SH3PXD2A: variants seen among roughly 807,000 people sequenced by gnomAD.
SH3PXD2A encodes SH3 and PX domain-containing protein 2A.
A neutral mutation model predicts 115.2 loss-of-function variants in SH3PXD2A; 32 were observed. That is an observed-to-expected ratio of 0.28 (90% CI 0.21 to 0.37). The LOEUF (loss-of-function observed/expected upper bound fraction) is 0.37, where lower values mean the gene tolerates loss of function less well. Among genes scored for constraint, SH3PXD2A ranks in the 10% least tolerant of loss-of-function variants. The pLI is 1.00. For missense variants in SH3PXD2A, 1,328 were observed against 1,498.7 expected, an observed-to-expected ratio of 0.89 and a Z score of 1.88; for synonymous variants, 610 against 629.1, an observed-to-expected ratio of 0.97 and a Z score of 0.45.
chr10:103,780,332 A>C (rs1173605150), intron 2 of SH3PXD2A, among the ~76,000 whole-genome samples: 1 of 152,102 alleles, frequency 6.6e-6, no homozygotes, highest in Non-Finnish European at 1.5e-5. Context: ...TTTTTTCTCT[A>C]TTCCAAATGG....
chr10:103,735,886 C>T (rs1334498057), intron 3 of SH3PXD2A, 78 bp from the exon 4 acceptor site: 30 of 1,128,822 alleles, frequency 2.7e-5, no homozygotes, highest in Non-Finnish European at 3.4e-5. Context: ...TCTCCCTTGG[C>T]TTCTCAGCAT....
intron 2 of SH3PXD2A, among the ~76,000 whole-genome samples, chr10:103,798,640 C>A (rs1357813296): frequency 1.3e-5 from 2 of 152,224 alleles, no homozygotes; most frequent in Non-Finnish European, 2.9e-5. Flanking sequence ...GGGAGCAGCT[C>A]CTTGGAGGTG....
intron 4 of SH3PXD2A, among the ~76,000 whole-genome samples, chr10:103,734,220 C>A (rs2038354917): frequency 6.6e-6 from 1 of 152,150 alleles, no homozygotes; most frequent in African/African-American, 2.4e-5. Flanking sequence ...AAATTTTATA[C>A]CTTATTTGCC....
At chr10:103,695,330 TG>T (rs2037812002) in intron 5 of SH3PXD2A, among the ~76,000 whole-genome samples, 1 of 151,948 alleles carries the variant, frequency 6.6e-6, no homozygotes, top group South Asian at 2.1e-4. Flanking sequence ...GGCAACATAG[TG>T]AGACCCCCTA....
intron 5 of SH3PXD2A, among the ~76,000 whole-genome samples, chr10:103,707,241 A>C (rs887884995): frequency 1.3e-5 from 2 of 151,772 alleles, no homozygotes; most frequent in East Asian, 3.9e-4. Context: ...CTGTTGCCCA[A>C]GCTGGAGTGC....
chr10:103,735,623 C>A, intron 4 of SH3PXD2A, 109 bp downstream of exon 4: 1 of 873,694 alleles, frequency 1.1e-6, no homozygotes, highest in African/African-American at 1.6e-5. Flanking sequence ...GGCCTCAGGA[C>A]GGTTCTGTAC....
chr10:103,822,064 C>T lies in SH3PXD2A; in HGVS notation c.73-20702G>A, dbSNP rs182735356. ...GATTACAGGCATGCACCACCATCCC[C>T]AGCTAATTTTTGTATTTTTGGTAAA... On this transcript the variant is annotated intron_variant, in intron 1 of 14. Coordinates refer to ENST00000369774, the MANE Select transcript of SH3PXD2A (RefSeq NM_001394015.1). Among the ~76,000 whole-genome samples the T allele has an allele frequency of 4.1e-3, 630 of 152,166 alleles. 2 individuals are homozygous for T. Among genetic ancestry groups the T allele is most frequent in the South Asian group, 0.015 (71 of 4,808 alleles).
intron 4 of SH3PXD2A, among the ~76,000 whole-genome samples, chr10:103,732,808 C>A (rs541846926): frequency 6.6e-6 from 1 of 152,176 alleles, no homozygotes; most frequent in Non-Finnish European, 1.5e-5. Context: ...CTAGGCAGTA[C>A]GTAGACAAAG....
At chr10:103,655,328 C>A (rs1197155513) in intron 8 of SH3PXD2A, among the ~76,000 whole-genome samples, 2 of 152,192 alleles carry the variant, frequency 1.3e-5, no homozygotes, top group South Asian at 4.1e-4. Flanking sequence ...AATAAACCTG[C>A]CCTTCTAGAA....
intron 1 of SH3PXD2A, among the ~76,000 whole-genome samples, chr10:103,802,704 A>T (rs1328143703): frequency 6.6e-6 from 1 of 152,204 alleles, no homozygotes; most frequent in Non-Finnish European, 1.5e-5. Context: ...CACTGATAAG[A>T]CACAGGTAAG....
chr10:103,730,955 C>T (rs1266218165), intron 4 of SH3PXD2A, among the ~76,000 whole-genome samples: 1 of 152,254 alleles, frequency 6.6e-6, no homozygotes, highest in African/African-American at 2.4e-5. Flanking sequence ...GAATGTGCAC[C>T]CAGGCAGGGG....
chr10:103,810,520 T>C (rs986856657), intron 1 of SH3PXD2A, among the ~76,000 whole-genome samples: 1 of 152,120 alleles, frequency 6.6e-6, no homozygotes, highest in Non-Finnish European at 1.5e-5. Context: ...CTTGATGGAT[T>C]TGAATTTCAA....
chr10:103,713,577 C>A lies in SH3PXD2A; in HGVS notation c.398+10693G>T, dbSNP rs74154602. 7.0e-3 allele frequency among the ~76,000 whole-genome samples: 1,072 copies of A among 152,362 alleles called. 16 individuals carry two copies. Among genetic ancestry groups the A allele is most frequent in the African/African-American group, 0.023 (956 of 41,586 alleles). On this transcript the variant is annotated intron_variant, in intron 5 of 14. Transcript: ENST00000369774. ...GGCCTGGATGCCCTCCTCTGCCACT[C>A]TCCTTGAGTAGTGAGCTCTTGCTTT...
intron 5 of SH3PXD2A, among the ~76,000 whole-genome samples, chr10:103,722,289 G>C (rs1011287219): frequency 2.1e-5 from 3 of 142,744 alleles, no homozygotes; most frequent in African/African-American, 8.1e-5. Flanking sequence ...GGGTGACAGA[G>C]CGAGACTCTG....
chr10:103,623,276 C>CA (rs11377652), intron 9 of SH3PXD2A, among the ~76,000 whole-genome samples: 5,776 of 141,380 alleles, frequency 0.041, 356 homozygotes, highest in African/African-American at 0.17. Flanking sequence ...GGGGCCCCCT[C>CA]CCCAGCTTCT....
chr10:103,610,924 C>T (rs1323417384), intron 13 of SH3PXD2A, among the ~76,000 whole-genome samples: 1 of 152,242 alleles, frequency 6.6e-6, no homozygotes, highest in Non-Finnish European at 1.5e-5. Flanking sequence ...CTTTCCACTA[C>T]ATCCCACTGC....
At chr10:103,652,853 C>T (rs766292353) in intron 8 of SH3PXD2A, among the ~76,000 whole-genome samples, 8 of 152,208 alleles carry the variant, frequency 5.3e-5, no homozygotes, top group Admixed American at 1.3e-4. Flanking sequence ...CAAGTCACCT[C>T]TGTCAGCTCC....
At position 103,678,112 on chromosome 10, in the gene SH3PXD2A, C is replaced by T. The variant is rs147718947; in HGVS notation, c.428-9460G>A. The T allele has an allele frequency of 1.1e-4, 145 of 1,288,632 alleles. No homozygotes were observed. In the Middle Eastern group the frequency reaches 1.7e-3, roughly 15 times the overall value. The allele number at this position is 1,288,632 out of a possible 1,614,324, so 79.8% of individuals were successfully genotyped here. Reference sequence around the variant, plus strand: ...GCAGTACAGTCTCTGGCAGGATGGACGCTACAGGAAACAGGAGCCGGAGCA... The same window carrying T: ...GCAGTACAGTCTCTGGCAGGATGGATGCTACAGGAAACAGGAGCCGGAGCA... On this transcript the variant is annotated intron_variant, in intron 6 of 14. Coordinates refer to ENST00000369774, the MANE Select transcript of SH3PXD2A (RefSeq NM_001394015.1).
At chr10:103,722,267 G>A (rs1444871682) in intron 5 of SH3PXD2A, among the ~76,000 whole-genome samples, 1 of 142,898 alleles carries the variant, frequency 7.0e-6, no homozygotes. Flanking sequence ...TTGCTCCACT[G>A]CACTCCAGCC....
Sources: gnomAD v4.1 joint callset for allele counts (sites outside exome capture counted in the v4.1 genomes callset) on GRCh38, gnomAD v4.1.1 for gene constraint, MANE v1.5 for transcripts, NCBI Gene and HGNC (gene_info 2026-07-23, HGNC 2026-07-21) for gene names.